The following RAB5A variants were observed in gnomAD, a reference collection of about 807,000 sequenced individuals.
RAB5A encodes ras-related protein Rab-5A.
Under a neutral mutation model 25.7 loss-of-function variants are expected in RAB5A, and 8 were observed. The ratio of observed to expected loss-of-function variants is 0.31; its 90% CI spans 0.18 to 0.56. RAB5A has a LOEUF of 0.56. RAB5A is among the 20% of genes least tolerant of loss of function. RAB5A has a pLI of 0.91. For synonymous variants in RAB5A, 98 were observed against 89.8 expected (o/e 1.09, Z -0.52); for missense variants, 192 against 259.7 (o/e 0.74, Z 1.79).
Position 19,947,457 on chromosome 3 carries a change from G to C in RAB5A, c.-158G>C, listed in dbSNP as rs1194090867. ...CGCCATAGATACACTCTCATCCTACGGGCCACGCCTGGGCCTTGCTGCCAG... is the reference window on the plus strand; with the variant it reads ...CGCCATAGATACACTCTCATCCTACCGGCCACGCCTGGGCCTTGCTGCCAG... On this transcript the variant is annotated 5_prime_UTR_variant, in exon 1 of 6. Transcript: ENST00000273047. 1 of 154,084 alleles carries C rather than the reference G, an allele frequency of 6.5e-6. No homozygotes were observed. Among genetic ancestry groups the C allele is most frequent in the Non-Finnish European group, 1.4e-5 (1 of 69,164 alleles). 9.5% of individuals were successfully genotyped at this position (154,084 alleles called of 1,614,324 possible). A position where few individuals can be genotyped will look rare whatever the true frequency, so the allele number is the denominator to read the frequency against.
At chr3:19,980,664 G>A (rs953723575) in intron 5 of RAB5A, among the ~76,000 whole-genome samples, 1 of 152,150 alleles carries the variant, frequency 6.6e-6, no homozygotes, top group Non-Finnish European at 1.5e-5. Context: ...TGGAACCTAA[G>A]TTGTTATTAT....
chr3:19,971,137 C>T (rs1227341895), intron 2 of RAB5A, among the ~76,000 whole-genome samples: 1 of 141,128 alleles, frequency 7.1e-6, no homozygotes, highest in Non-Finnish European at 1.5e-5. Context: ...GCGGAGGTTT[C>T]AGTGAGCCGA....
chr3:19,981,110 T>C lies in RAB5A; in HGVS notation c.533-2598T>C, dbSNP rs865786750. On this transcript the variant is annotated intron_variant, in intron 5 of 5. Coordinates refer to ENST00000273047, the MANE Select transcript of RAB5A (RefSeq NM_004162.5). ...CAGCCACTCTTAAAATCAGTACTCT[T>C]AGTCATCTTTAATATTCTGCCTCCC... 5.3e-5 allele frequency among the ~76,000 whole-genome samples: 8 copies of C among 152,272 alleles called. No homozygotes were observed. In the South Asian group the frequency reaches 8.3e-4, roughly 16 times the overall value.
intron 2 of RAB5A, 50 bp from the exon 3 acceptor site, chr3:19,975,551 G>C (rs770844601): frequency 6.4e-7 from 1 of 1,572,930 alleles, no homozygotes; most frequent in Admixed American, 1.8e-5. Context: ...TCTATATTAT[G>C]AAAACATTTG....
chr3:19,957,855 A>G (rs1284936289), intron 2 of RAB5A, among the ~76,000 whole-genome samples: 2 of 152,216 alleles, frequency 1.3e-5, no homozygotes, highest in Non-Finnish European at 2.9e-5. Flanking sequence ...TTGTAAATAC[A>G]TAACGATTTT....
chr3:19,978,502 G>A (rs2125131648), intron 5 of RAB5A, 99 bp downstream of exon 5: 1 of 768,650 alleles, frequency 1.3e-6, no homozygotes, highest in East Asian at 2.5e-5. Flanking sequence ...TTTGGGGGTG[G>A]GTTTGTGTGT....
At chr3:19,951,680 GCATGCCAC>G (rs1696424351) in intron 2 of RAB5A, among the ~76,000 whole-genome samples, 1 of 140,428 alleles carries the variant, frequency 7.1e-6, no homozygotes, top group Admixed American at 7.2e-5. Context: ...ACCTAAGGGT[GCATGCCAC>G]CATGCCAGGC....
chr3:19,971,949 CTTCT>C (rs1440302751), intron 2 of RAB5A, among the ~76,000 whole-genome samples: 4 of 144,548 alleles, frequency 2.8e-5, no homozygotes, highest in Admixed American at 6.7e-5. Context: ...TTTGAACTTC[CTTCT>C]TTTAGTAGAC....
rs1243997631 is a variant in RAB5A, at chr3:19,985,131, T to C, written c.*1308T>C. 5.3e-6 allele frequency: 2 copies of C among 377,848 alleles called. No individual in the cohort carries two copies. Among genetic ancestry groups the C allele is most frequent in the African/African-American group, 4.2e-5 (2 of 47,370 alleles). The allele number at this position is 377,848 out of a possible 1,614,324, so 23.4% of individuals were successfully genotyped here. A position where few individuals can be genotyped will look rare whatever the true frequency, so the allele number is the denominator to read the frequency against. On this transcript the variant is annotated 3_prime_UTR_variant, in exon 6 of 6. Transcript: ENST00000273047. ...GAAAACGGTTCACCAGTGTTTAGTT[T>C]TATATTGAGGTGCTCAGGTTGGAAT...
At chr3:19,951,540 A>G (rs985163842) in intron 2 of RAB5A, among the ~76,000 whole-genome samples, 17 of 151,870 alleles carry the variant, frequency 1.1e-4, no homozygotes, top group African/African-American at 4.1e-4. Context: ...TTTTTTTGGT[A>G]TTTAAGAGAT....
chr3:19,978,434 A>G lies in RAB5A; in HGVS notation c.532+31A>G, dbSNP rs376313003. On this transcript the variant is annotated intron_variant, in intron 5 of 5. Transcript: ENST00000273047. The stretch of plus-strand genomic sequence containing the variant: ...ATTAATATCTCTTTTTAAATGATCA[A>G]TATAAGCAAAACAAGTGTGAAGCAT... The G allele has an allele frequency of 3.0e-4, 443 of 1,478,478 alleles. 1 individual carries two copies. The highest frequency in any genetic ancestry group is 1.7e-4 in the Middle Eastern group (1 of 5,770). 91.6% of individuals were successfully genotyped at this position (1,478,478 alleles called of 1,614,324 possible).
At chr3:19,969,107 C>T (rs1016239460) in intron 2 of RAB5A, among the ~76,000 whole-genome samples, 3 of 143,466 alleles carry the variant, frequency 2.1e-5, no homozygotes, top group Non-Finnish European at 4.5e-5. Flanking sequence ...TGCAAAGGCA[C>T]GATCTTGGCT....
chr3:19,948,762 A>G (rs1044314271), intron 1 of RAB5A, among the ~76,000 whole-genome samples: 4 of 151,724 alleles, frequency 2.6e-5, no homozygotes, highest in Non-Finnish European at 4.4e-5. Context: ...TTTTAATGGG[A>G]GTCTGATATT....
At chr3:19,974,936 G>A (rs961557401) in intron 2 of RAB5A, among the ~76,000 whole-genome samples, 2 of 152,138 alleles carry the variant, frequency 1.3e-5, no homozygotes, top group African/African-American at 4.8e-5. Flanking sequence ...ATTTTGAAAT[G>A]CAGTCTTCGC....
chr3:19,950,547 A>G (rs1696407940), intron 1 of RAB5A, among the ~76,000 whole-genome samples: 1 of 152,186 alleles, frequency 6.6e-6, no homozygotes, highest in Non-Finnish European at 1.5e-5. Flanking sequence ...CTCATTTTAT[A>G]GGATTGTTGA....
chr3:19,976,014 C>G (rs768225500), intron 3 of RAB5A, 33 bp from the exon 4 acceptor site: 1 of 1,592,298 alleles, frequency 6.3e-7, no homozygotes, highest in Non-Finnish European at 8.5e-7. Context: ...ATTTTTTGAG[C>G]CTGTGCTCAA....
Position 19,984,043 on chromosome 3 carries a change from T to C in RAB5A, c.*220T>C, listed in dbSNP as rs1463921789. Reference sequence around the variant, plus strand: ...TTCAACAATAGGGAAAAATGAGAACTATGTGGACACTTGTTTCATTGGAAG... The same window carrying C: ...TTCAACAATAGGGAAAAATGAGAACCATGTGGACACTTGTTTCATTGGAAG... On this transcript the variant is annotated 3_prime_UTR_variant, in exon 6 of 6. Transcript: ENST00000273047. 3 of 491,626 alleles carry C rather than the reference T, an allele frequency of 6.1e-6. No individual in the cohort carries two copies. Among genetic ancestry groups the C allele is most frequent in the Admixed American group, 3.7e-5 (1 of 27,372 alleles). The allele number at this position is 491,626 out of a possible 1,614,324, so 30.5% of individuals were successfully genotyped here. A position where few individuals can be genotyped will look rare whatever the true frequency, so the allele number is the denominator to read the frequency against.
chr3:19,951,262 C>A, intron 2 of RAB5A: 1 of 523,392 alleles, frequency 1.9e-6, no homozygotes, highest in South Asian at 3.4e-5. Flanking sequence ...TTGGTTAATC[C>A]CTTGTGGTTA....
At chr3:19,979,530 C>T (rs1234570668) in intron 5 of RAB5A, among the ~76,000 whole-genome samples, 1 of 151,970 alleles carries the variant, frequency 6.6e-6, no homozygotes, top group South Asian at 2.1e-4. Context: ...TGTGATCCGC[C>T]CACGTCAGCC....
Sources: gnomAD v4.1 joint callset for allele counts (sites outside exome capture counted in the v4.1 genomes callset) on GRCh38, gnomAD v4.1.1 for gene constraint, MANE v1.5 for transcripts, NCBI Gene and HGNC (gene_info 2026-07-23, HGNC 2026-07-21) for gene names.